The following GMDS variants were observed in gnomAD, a reference collection of about 807,000 sequenced individuals.
GMDS encodes the protein GDP-mannose 4,6-dehydratase.
In GMDS, 20 loss-of-function variants were observed where a neutral mutation model predicts 49.9. The observed-to-expected ratio is 0.40, with a 90% CI of 0.28 to 0.58. GMDS has a LOEUF of 0.58. GMDS is among the 20% of genes least tolerant of loss of function. The pLI, the probability that GMDS is intolerant of heterozygous loss-of-function variation, is 0.42. For missense variants in GMDS, 362 were observed against 481.4 expected, an observed-to-expected ratio of 0.75 and a Z score of 2.32; for synonymous variants, 177 against 178.6, an observed-to-expected ratio of 0.99 and a Z score of 0.07.
chr6:1,962,064 T>A (rs563316646), intron 4 of GMDS, among the ~76,000 whole-genome samples: 1 of 152,376 alleles, frequency 6.6e-6, no homozygotes, highest in South Asian at 2.1e-4. Context: ...TATTCTTTTC[T>A]AATAACAGTT....
At chr6:1,759,118 A>G (rs1768065868) in intron 7 of GMDS, among the ~76,000 whole-genome samples, 1 of 152,112 alleles carries the variant, frequency 6.6e-6, no homozygotes, top group Non-Finnish European at 1.5e-5. Flanking sequence ...GACAATGATG[A>G]TTACGTATCT....
intron 6 of GMDS, among the ~76,000 whole-genome samples, chr6:1,946,538 C>T (rs754444392): frequency 7.2e-5 from 11 of 152,098 alleles, no homozygotes; most frequent in Non-Finnish European, 1.2e-4. Context: ...CTAACAGTCC[C>T]GTAAGTTGAA....
At chr6:2,026,078 G>A (rs758972048) in intron 4 of GMDS, among the ~76,000 whole-genome samples, 1 of 152,136 alleles carries the variant, frequency 6.6e-6, no homozygotes, top group Non-Finnish European at 1.5e-5. Flanking sequence ...TATTTTTAAT[G>A]TAAGAGGTTT....
At chr6:1,745,002 CAGAA>C (rs768170235) in intron 7 of GMDS, among the ~76,000 whole-genome samples, 1 of 152,070 alleles carries the variant, frequency 6.6e-6, no homozygotes, top group Non-Finnish European at 1.5e-5. Flanking sequence ...CACACACACA[CAGAA>C]ACTTATTTTG....
chr6:1,675,375 C>T (rs1432459547), intron 9 of GMDS, among the ~76,000 whole-genome samples: 7 of 150,558 alleles, frequency 4.6e-5, no homozygotes, highest in Non-Finnish European at 1.0e-4. Flanking sequence ...CATTATGTCA[C>T]TTGTGAAAGA....
intron 7 of GMDS, among the ~76,000 whole-genome samples, chr6:1,834,998 T>C (rs1370106946): frequency 1.3e-5 from 2 of 152,252 alleles, no homozygotes; most frequent in Non-Finnish European, 2.9e-5. Flanking sequence ...GCAAATCACA[T>C]GATAGATTTA....
intron 7 of GMDS, among the ~76,000 whole-genome samples, chr6:1,843,506 G>A (rs182076696): frequency 2.0e-4 from 31 of 152,246 alleles, no homozygotes; most frequent in African/African-American, 6.7e-4. Context: ...GGTGGCTCAC[G>A]CCTGTAATCC....
At chr6:2,052,861 G>C (rs966361301) in intron 4 of GMDS, among the ~76,000 whole-genome samples, 2 of 152,144 alleles carry the variant, frequency 1.3e-5, no homozygotes, top group African/African-American at 4.8e-5. Context: ...CAATAAGACT[G>C]TCAGGCCCAA....
intron 1 of GMDS, among the ~76,000 whole-genome samples, chr6:2,178,312 T>A (rs1249752512): frequency 6.6e-6 from 1 of 152,170 alleles, no homozygotes; most frequent in Non-Finnish European, 1.5e-5. Context: ...TCTGCTTGGC[T>A]TCTGGGGAGG....
intron 4 of GMDS, among the ~76,000 whole-genome samples, chr6:2,045,694 T>A (rs1056432834): frequency 7.2e-5 from 11 of 152,038 alleles, no homozygotes; most frequent in African/African-American, 2.7e-4. Context: ...TATCAACCTT[T>A]CCTGGAGTAA....
intron 7 of GMDS, among the ~76,000 whole-genome samples, chr6:1,885,248 G>A (rs1347298340): frequency 6.6e-6 from 1 of 152,162 alleles, no homozygotes; most frequent in Non-Finnish European, 1.5e-5. Context: ...TTAATTTACA[G>A]CCTAGTTATC....
At chr6:2,059,435 G>A (rs918075855) in intron 4 of GMDS, among the ~76,000 whole-genome samples, 8 of 151,410 alleles carry the variant, frequency 5.3e-5, no homozygotes, top group East Asian at 1.9e-4. Context: ...CTGGCCGGGC[G>A]CGGTGGCTCA....
At chr6:2,133,578 GT>G (rs2127520532) in intron 1 of GMDS, among the ~76,000 whole-genome samples, 1 of 152,306 alleles carries the variant, frequency 6.6e-6, no homozygotes, top group African/African-American at 2.4e-5. Flanking sequence ...TGATAGAAAT[GT>G]CACTTGTCAA....
chr6:1,662,437 T>G (rs757982496), intron 9 of GMDS, among the ~76,000 whole-genome samples: 1 of 152,158 alleles, frequency 6.6e-6, no homozygotes, highest in South Asian at 2.1e-4. Context: ...CCGTGTGTGC[T>G]GGGGGCTCCA....
chr6:1,760,541 C>T (rs944540761), intron 7 of GMDS, among the ~76,000 whole-genome samples: 1 of 152,132 alleles, frequency 6.6e-6, no homozygotes, highest in African/African-American at 2.4e-5. Context: ...GTGTCATCAA[C>T]CCATGGCCCC....
At chr6:1,779,530 C>T (rs114337359) in intron 7 of GMDS, among the ~76,000 whole-genome samples, 197 of 152,210 alleles carry the variant, frequency 1.3e-3, no homozygotes, top group African/African-American at 4.5e-3. Flanking sequence ...GATTTTCCAG[C>T]GAGAAACAAT....
At chr6:2,071,162 A>C (rs1057458182) in intron 4 of GMDS, among the ~76,000 whole-genome samples, 6 of 152,218 alleles carry the variant, frequency 3.9e-5, no homozygotes, top group African/African-American at 1.4e-4. Flanking sequence ...CCCACATCCC[A>C]GATGTTAACT....
intron 4 of GMDS, among the ~76,000 whole-genome samples, chr6:2,070,559 A>C (rs982899110): frequency 6.6e-6 from 1 of 152,172 alleles, no homozygotes; most frequent in Non-Finnish European, 1.5e-5. Flanking sequence ...AAATATATGA[A>C]CTGAAAACAC....
intron 7 of GMDS, among the ~76,000 whole-genome samples, chr6:1,866,371 G>A (rs11962929): frequency 3.3e-4 from 51 of 152,308 alleles, no homozygotes; most frequent in African/African-American, 1.2e-3. Context: ...TGAGCTTCAC[G>A]AAGTTTACAT....
Sources: gnomAD v4.1 joint callset for allele counts (sites outside exome capture counted in the v4.1 genomes callset) on GRCh38, gnomAD v4.1.1 for gene constraint, MANE v1.5 for transcripts, NCBI Gene and HGNC (gene_info 2026-07-23, HGNC 2026-07-21) for gene names.